Variants in SLC22A24 observed in about 807,000 individuals in gnomAD.
SLC22A24 encodes the protein solute carrier family 22 member 24, also known as steroid transmembrane transporter SLC22A24.
SLC22A24 carries 53 observed loss-of-function variants against 49.8 expected under a neutral mutation model. The ratio of observed to expected loss-of-function variants is 1.06; its 90% confidence interval spans 0.85 to 1.34. The LOEUF is 1.34. SLC22A24 is among the 40% of genes most tolerant of loss of function. The pLI is 0.00. For synonymous variants in SLC22A24, 302 were observed against 256.4 expected (o/e 1.18, Z -1.70); for missense variants, 786 against 675.9 (o/e 1.16, Z -1.81).
intron 4 of SLC22A24, among the ~76,000 whole-genome samples, chr11:63,108,459 G>A (rs1198236976): frequency 6.6e-6 from 1 of 152,110 alleles, no homozygotes; most frequent in Non-Finnish European, 1.5e-5. Context: ...AATGAGTTAG[G>A]GAGGATTCCC....
chr11:63,085,487 G>T (rs1353059832), intron 6 of SLC22A24, among the ~76,000 whole-genome samples: 1 of 152,054 alleles, frequency 6.6e-6, no homozygotes, highest in Non-Finnish European at 1.5e-5. Context: ...TAATTAAAGG[G>T]TGTCCTTAAT....
At position 63,096,110 on chromosome 11, in the gene SLC22A24, C is replaced by G; in HGVS notation, c.955-4G>C. 1 of 1,534,818 alleles carries G rather than the reference C, an allele frequency of 6.5e-7. No homozygotes were observed. The highest frequency in any genetic ancestry group is 8.8e-7 in the Non-Finnish European group (1 of 1,131,828). ...TCTTCATGGTGGATCTCACAAGCTT[C>G]AGCAACAAAAATAACAACAAGCATT... On this transcript the variant is annotated splice_polypyrimidine_tract_variant and splice_region_variant and intron_variant, in intron 5 of 9. Coordinates refer to ENST00000612278, the MANE Select transcript of SLC22A24 (RefSeq NM_001136506.2).
At chr11:63,097,927 G>A (rs1353112279) in intron 5 of SLC22A24, among the ~76,000 whole-genome samples, 1 of 152,000 alleles carries the variant, frequency 6.6e-6, no homozygotes, top group Admixed American at 6.6e-5. Flanking sequence ...TGGGGGATGG[G>A]GGGCAAAAGG....
intron 5 of SLC22A24, among the ~76,000 whole-genome samples, chr11:63,100,554 A>T (rs957734632): frequency 1.3e-5 from 2 of 152,166 alleles, no homozygotes; most frequent in African/African-American, 4.8e-5. Context: ...AATAGAAAAA[A>T]TAGTCTTAAT....
In SLC22A24 at chr11:63,083,418, G is replaced by A. The variant is rs764939666; in HGVS notation, c.1110C>T (p.Asn370=). The change falls in exon 7 of 10, where the codon AAC becomes AAT. Residue 370 remains asparagine, a synonymous_variant. Coordinates refer to ENST00000612278, the MANE Select transcript of SLC22A24 (RefSeq NM_001136506.2). The stretch of plus-strand genomic sequence containing the variant: ...AGACATTGCTCCCTAAGTGCTGCAA[G>A]TTGAGTATCAGGCCATAAAAGGGTA... ...ITVPFYGLIL[N]LQHLGSNVSL... 5.2e-6 allele frequency: 8 copies of A among 1,551,480 alleles called. No individual in the cohort carries two copies. In the South Asian group the frequency reaches 9.5e-5, roughly 18 times the overall value.
At chr11:63,088,234 C>T (rs1000331355) in intron 6 of SLC22A24, among the ~76,000 whole-genome samples, 4 of 152,148 alleles carry the variant, frequency 2.6e-5, no homozygotes, top group South Asian at 2.1e-4. Context: ...AAGAAGCAGG[C>T]AGCAATCTTT....
At position 63,080,917 on chromosome 11, in the gene SLC22A24, C is replaced by G. The variant is rs1298901704; in HGVS notation, c.1598+3G>C. ...TCAAGTGACAGCTAGAGGGTTTACTCACTCATTTTCCACATCCTGGATGGT... is the reference window on the plus strand; with the variant it reads ...TCAAGTGACAGCTAGAGGGTTTACTGACTCATTTTCCACATCCTGGATGGT... On this transcript the variant is annotated splice_donor_region_variant and intron_variant, in intron 9 of 9. Coordinates refer to ENST00000612278, the MANE Select transcript of SLC22A24 (RefSeq NM_001136506.2). 1 of 1,550,532 alleles carries G rather than the reference C, an allele frequency of 6.4e-7. No individual in the cohort carries two copies. The highest frequency in any genetic ancestry group is 1.2e-5 in the South Asian group (1 of 83,988).
chr11:63,114,357 G>A (rs150682053), intron 4 of SLC22A24, among the ~76,000 whole-genome samples: 235 of 151,962 alleles, frequency 1.5e-3, no homozygotes, highest in African/African-American at 5.0e-3. Context: ...TGATTGACTC[G>A]GCTATTGAAA....
chr11:63,095,242 G>T (rs1274794329), intron 6 of SLC22A24, among the ~76,000 whole-genome samples: 1 of 151,894 alleles, frequency 6.6e-6, no homozygotes, highest in African/African-American at 2.4e-5. Flanking sequence ...TTGGAATATT[G>T]ATTGATAGTT....
At chr11:63,097,818 A>T (rs2087064934) in intron 5 of SLC22A24, among the ~76,000 whole-genome samples, 1 of 152,122 alleles carries the variant, frequency 6.6e-6, no homozygotes, top group South Asian at 2.1e-4. Flanking sequence ...CTAACACAGG[A>T]GCAGAAATCC....
intron 9 of SLC22A24, among the ~76,000 whole-genome samples, chr11:63,080,486 A>G (rs1192007062): frequency 6.6e-6 from 1 of 152,200 alleles, no homozygotes; most frequent in Non-Finnish European, 1.5e-5. Flanking sequence ...GACTGAAGCA[A>G]TAATTAGGTA....
rs764546704 is a variant in SLC22A24, at chr11:63,119,075, C to T, written c.667G>A (p.Glu223Lys). 4.5e-5 allele frequency: 70 copies of T among 1,546,740 alleles called. No homozygotes were observed. Among genetic ancestry groups the T allele is most frequent in the Non-Finnish European group, 6.0e-5 (69 of 1,143,880 alleles). Reference sequence around the variant, plus strand: ...GATCGTGACCGGGGCAATGTCCACTCTAAGCCTGGAAGAAAACATATACAT... The same window carrying T: ...GATCGTGACCGGGGCAATGTCCACTTTAAGCCTGGAAGAAAACATATACAT... ...ILGNTFILSL[E>K]WTLPRSRSMT... The change falls in exon 4 of 10, where the codon GAG becomes AAG. Residue 223 changes from glutamate to lysine, a missense_variant. By Grantham distance (56) the Glu-to-Lys change is moderately conservative. Coordinates refer to ENST00000612278, the MANE Select transcript of SLC22A24 (RefSeq NM_001136506.2).
intron 7 of SLC22A24, among the ~76,000 whole-genome samples, chr11:63,081,902 T>C (rs1266018659): frequency 6.6e-6 from 1 of 152,220 alleles, no homozygotes; most frequent in African/African-American, 2.4e-5. Context: ...TTCTGCACAT[T>C]TGAGTATTGC....
At chr11:63,112,172 C>G (rs900350793) in intron 4 of SLC22A24, among the ~76,000 whole-genome samples, 3 of 152,116 alleles carry the variant, frequency 2.0e-5, no homozygotes, top group Non-Finnish European at 4.4e-5. Flanking sequence ...GAGTGAGATT[C>G]TTAATCCTGA....
intron 2 of SLC22A24, among the ~76,000 whole-genome samples, chr11:63,132,011 C>A (rs1229244111): frequency 6.6e-6 from 1 of 152,102 alleles, no homozygotes; most frequent in Non-Finnish European, 1.5e-5. Context: ...CTTGTCTTCT[C>A]ACTTTATTTC....
intron 2 of SLC22A24, among the ~76,000 whole-genome samples, chr11:63,126,596 G>A (rs937363452): frequency 6.6e-6 from 1 of 152,092 alleles, no homozygotes; most frequent in Non-Finnish European, 1.5e-5. Context: ...GTAGCGTGTT[G>A]CCTCCAGCTT....
chr11:63,093,703 G>A (rs2087034861), intron 6 of SLC22A24, among the ~76,000 whole-genome samples: 1 of 152,148 alleles, frequency 6.6e-6, no homozygotes, highest in South Asian at 2.1e-4. Flanking sequence ...ATTGGGGAAG[G>A]TGGGAGGAGG....
intron 6 of SLC22A24, among the ~76,000 whole-genome samples, chr11:63,095,336 C>T (rs1418376724): frequency 6.6e-6 from 1 of 151,940 alleles, no homozygotes; most frequent in Non-Finnish European, 1.5e-5. Flanking sequence ...CCCATGAACA[C>T]CAGAATAGAC....
intron 2 of SLC22A24, among the ~76,000 whole-genome samples, chr11:63,128,289 TC>T (rs1191501198): frequency 6.6e-6 from 1 of 152,010 alleles, no homozygotes; most frequent in East Asian, 1.9e-4. Flanking sequence ...ACCAGAGGGC[TC>T]CTTGGTCTAG....
Sources: gnomAD v4.1 joint callset for allele counts (sites outside exome capture counted in the v4.1 genomes callset) on GRCh38, gnomAD v4.1.1 for gene constraint, MANE v1.5 for transcripts, NCBI Gene and HGNC (gene_info 2026-07-23, HGNC 2026-07-21) for gene names.